WDR7: variants seen among roughly 807,000 people sequenced by gnomAD.
The protein encoded by WDR7 is WD repeat-containing protein 7.
A neutral mutation model predicts 169.4 loss-of-function variants in WDR7; 46 were observed. That is an observed-to-expected ratio of 0.27 (90% confidence interval 0.21 to 0.35). The LOEUF (loss-of-function observed/expected upper bound fraction) is 0.35, where lower values mean the gene tolerates loss of function less well. Ranked by LOEUF, WDR7 falls within the 10% of genes least tolerant of loss-of-function variation. WDR7 has a pLI of 1.00. For missense variants in WDR7, 1,534 were observed against 1,859.3 expected (o/e 0.83, Z 3.22); for synonymous variants, 612 against 666.8 (o/e 0.92, Z 1.27).
chr18:57,005,217 T>C lies in WDR7; in HGVS notation c.4165-15528T>C, dbSNP rs114506356. Among the ~76,000 whole-genome samples the C allele has an allele frequency of 8.2e-3, 1,242 of 152,328 alleles. 24 individuals are homozygous for C. Among genetic ancestry groups the C allele is most frequent in the African/African-American group, 0.029 (1,196 of 41,570 alleles). On this transcript the variant is annotated intron_variant, in intron 26 of 27. Transcript: ENST00000254442. ...AAACTGTTTAAAAAAATGATGTCCT[T>C]ATCATTTCTAAACTATAAAAGCAAC...
In WDR7 at chr18:56,710,003, G is replaced by GTTTTTT. The variant is rs74182155; in HGVS notation, c.1579-7959_1579-7958insTTTTTT. Among the ~76,000 whole-genome samples the GTTTTTT allele has an allele frequency of 2.3e-5, 3 of 128,662 alleles. 1 individual carries two copies. The highest frequency in any genetic ancestry group is 2.9e-5 in the African/African-American group (1 of 34,172). 84.4% of individuals were successfully genotyped at this position (128,662 alleles called of 152,430 possible). A position where few individuals can be genotyped will look rare whatever the true frequency, so the allele number is the denominator to read the frequency against. On this transcript the variant is annotated intron_variant, in intron 12 of 27. Coordinates refer to ENST00000254442, the MANE Select transcript of WDR7 (RefSeq NM_015285.3). Reference sequence around the variant, plus strand: ...GAACCACAATTTATATATATATATAGTTGTTTTTTTTTTTTTTTGTGATGG... The same window carrying GTTTTTT: ...GAACCACAATTTATATATATATATAGTTTTTTTTGTTTTTTTTTTTTTTTGTGATGG...
intron 18 of WDR7, among the ~76,000 whole-genome samples, chr18:56,781,061 C>T (rs1415761107): frequency 3.3e-5 from 5 of 152,006 alleles, no homozygotes; most frequent in African/African-American, 7.2e-5. Flanking sequence ...TTAACTTATA[C>T]GTATTTGTTT....
chr18:56,821,290 C>G (rs1230549589), intron 20 of WDR7, among the ~76,000 whole-genome samples: 2 of 152,084 alleles, frequency 1.3e-5, no homozygotes, highest in Non-Finnish European at 2.9e-5. Flanking sequence ...TGACAACTTT[C>G]TTTTATCAAG....
rs142736126 is a variant in WDR7, at chr18:56,924,074, G to A, written c.3679G>A (p.Glu1227Lys). 8 of 1,612,694 alleles carry A rather than the reference G, an allele frequency of 5.0e-6. No homozygotes were observed. Among genetic ancestry groups the A allele is most frequent in the Non-Finnish European group, 6.8e-6 (8 of 1,179,622 alleles). ...DVSAVLMGLLELCADAEKQLA... is the reference protein window; with the variant it reads ...DVSAVLMGLLKLCADAEKQLA... ...GTCCGCTGTTCTGATGGGGCTTCTC[G>A]AACTTTGTGCCGATGCCGAGAAACA... The change falls in exon 22 of 28, where the codon GAA (glutamate) becomes AAA (lysine). Residue 1227 changes from glutamate (E) to lysine (K), a missense_variant. Physicochemically the swap from Glu to Lys is moderately conservative, Grantham distance 56. Coordinates refer to ENST00000254442, the MANE Select transcript of WDR7 (RefSeq NM_015285.3).
intron 2 of WDR7, among the ~76,000 whole-genome samples, chr18:56,672,891 G>A (rs1250542736): frequency 1.3e-5 from 2 of 152,016 alleles, no homozygotes; most frequent in Admixed American, 6.6e-5. Context: ...TCTACCCTAA[G>A]TGACTTACTG....
intron 1 of WDR7, among the ~76,000 whole-genome samples, chr18:56,671,516 C>T (rs980376037): frequency 6.6e-6 from 1 of 152,240 alleles, no homozygotes; most frequent in East Asian, 1.9e-4. Flanking sequence ...GGTGATCCAC[C>T]CACCTTGGCC....
At chr18:57,006,778 G>T (rs1300990878) in intron 26 of WDR7, among the ~76,000 whole-genome samples, 1 of 152,052 alleles carries the variant, frequency 6.6e-6, no homozygotes, top group Non-Finnish European at 1.5e-5. Context: ...ATTGAAATTT[G>T]TATCAAAACC....
At chr18:56,943,834 A>C (rs1376188218) in intron 25 of WDR7, among the ~76,000 whole-genome samples, 1 of 152,062 alleles carries the variant, frequency 6.6e-6, no homozygotes, top group Non-Finnish European at 1.5e-5. Context: ...GGTAAACATA[A>C]AATTATTCTC....
At chr18:56,846,638 G>A (rs913085009) in intron 20 of WDR7, among the ~76,000 whole-genome samples, 8 of 152,142 alleles carry the variant, frequency 5.3e-5, no homozygotes, top group African/African-American at 1.7e-4. Context: ...GTGCCATCTC[G>A]ATGGTAATGA....
At chr18:56,785,084 C>G (rs1241935604) in intron 19 of WDR7, among the ~76,000 whole-genome samples, 4 of 152,060 alleles carry the variant, frequency 2.6e-5, no homozygotes, top group Non-Finnish European at 5.9e-5. Flanking sequence ...AAAAGGGTGT[C>G]AGGCTAAGGG....
chr18:56,714,939 A>G (rs1346928028), intron 12 of WDR7, among the ~76,000 whole-genome samples: 4 of 152,090 alleles, frequency 2.6e-5, no homozygotes, highest in African/African-American at 9.7e-5. Flanking sequence ...AGCAGATCCT[A>G]TGCTCTTATT....
intron 21 of WDR7, among the ~76,000 whole-genome samples, chr18:56,922,048 T>C (rs1367575866): frequency 6.6e-6 from 1 of 152,174 alleles, no homozygotes; most frequent in Non-Finnish European, 1.5e-5. Context: ...ATTGCTTAGA[T>C]TGGAAGCCAT....
chr18:56,820,535 C>T (rs2045077179), intron 20 of WDR7, among the ~76,000 whole-genome samples: 1 of 151,860 alleles, frequency 6.6e-6, no homozygotes, highest in Non-Finnish European at 1.5e-5. Flanking sequence ...AAATATATAT[C>T]TTCCCATTAC....
In WDR7 at chr18:56,663,073, G is replaced by A. The variant is rs77123105; in HGVS notation, c.-19-9424G>A. ...TTGCAGATGGCTGCCCTCTCACTGC[G>A]TCCTCACAGTGGTGGAGAGGGAGAG... On this transcript the variant is annotated intron_variant, in intron 1 of 27. Transcript: ENST00000254442. Among the ~76,000 whole-genome samples the A allele has an allele frequency of 5.8e-3, 883 of 152,274 alleles. 8 individuals are homozygous for A. The highest frequency in any genetic ancestry group is 0.019 in the South Asian group (94 of 4,824).
At chr18:56,935,747 T>A (rs770111869) in intron 22 of WDR7, 41 bp from the exon 23 acceptor site, 58 of 1,576,198 alleles carry the variant, frequency 3.7e-5, no homozygotes, top group Non-Finnish European at 4.9e-5. Context: ...ATATTTCTAA[T>A]GCTTCTTTTC....
At chr18:56,722,887 C>G (rs983778191) in intron 13 of WDR7, among the ~76,000 whole-genome samples, 2 of 152,018 alleles carry the variant, frequency 1.3e-5, no homozygotes, top group African/African-American at 4.8e-5. Flanking sequence ...TATTGGGTAC[C>G]CTGCCTACTC....
chr18:56,855,344 G>T (rs968004298), intron 20 of WDR7, among the ~76,000 whole-genome samples: 2 of 151,864 alleles, frequency 1.3e-5, no homozygotes, highest in African/African-American at 2.4e-5. Context: ...CTCTCAGCTT[G>T]TATCTTATAT....
At chr18:56,736,581 C>T (rs1472190707) in intron 14 of WDR7, among the ~76,000 whole-genome samples, 3 of 150,214 alleles carry the variant, frequency 2.0e-5, no homozygotes, top group Admixed American at 6.7e-5. Context: ...TCACACATAC[C>T]GTTGAAAACA....
At chr18:56,741,819 C>G (rs981543170) in intron 14 of WDR7, among the ~76,000 whole-genome samples, 1 of 152,168 alleles carries the variant, frequency 6.6e-6, no homozygotes, top group Non-Finnish European at 1.5e-5. Context: ...CTGGTGATTA[C>G]AGGATTTTTG....
Sources: gnomAD v4.1 joint callset for allele counts (sites outside exome capture counted in the v4.1 genomes callset) on GRCh38, gnomAD v4.1.1 for gene constraint, MANE v1.5 for transcripts, NCBI Gene and HGNC (gene_info 2026-07-23, HGNC 2026-07-21) for gene names.